Variants in SNX27 observed in about 807,000 individuals in gnomAD.
The protein encoded by SNX27 is sorting nexin 27.
SNX27 carries 22 observed loss-of-function variants against 71.6 expected under a neutral mutation model. That is an observed-to-expected ratio of 0.31 (90% CI 0.22 to 0.44). SNX27 has a LOEUF of 0.44. Ranked by LOEUF, SNX27 falls within the 20% of genes least tolerant of loss-of-function variation. The pLI is 1.00. For synonymous variants in SNX27, 269 were observed against 277.2 expected, an observed-to-expected ratio of 0.97 and a Z score of 0.29; for missense variants, 531 against 698.6, an observed-to-expected ratio of 0.76 and a Z score of 2.70.
chr1:151,632,698 A>T lies in SNX27; in HGVS notation c.312-6190A>T, dbSNP rs1049583565. ...TTATTTAAGCAGTTTTATGCTGCAG[A>T]TATGTACAGATTCATCTACTAGATA... On this transcript the variant is annotated intron_variant, in intron 1 of 11. Coordinates refer to ENST00000458013, the MANE Select transcript of SNX27 (RefSeq NM_001330723.2). 2.0e-5 allele frequency among the ~76,000 whole-genome samples: 3 copies of T among 152,242 alleles called. No individual in the cohort carries two copies. The South Asian group carries it at 6.2e-4, about 32-fold the overall frequency.
Position 151,681,235 on chromosome 1 carries a change from C to CTTTTTTTTTTTT in SNX27, c.1150-2108_1150-2097dup, listed in dbSNP as rs762924986. ...CTAGAAGTTGAATTAGTCTCTCAATCTTTTTTTTTTTTTTTTTTTTTTTTG... is the reference window on the plus strand; with the variant it reads ...CTAGAAGTTGAATTAGTCTCTCAATCTTTTTTTTTTTTTTTTTTTTTTTTTTTTTTTTTTTTG... On this transcript the variant is annotated intron_variant, in intron 7 of 11. Transcript: ENST00000458013. 9.7e-4 allele frequency among the ~76,000 whole-genome samples: 59 copies of CTTTTTTTTTTTT among 60,702 alleles called. 9 individuals carry two copies. The highest frequency in any genetic ancestry group is 1.1e-3 in the African/African-American group (18 of 15,718). The allele number at this position is 60,702 out of a possible 152,430, so 39.8% of individuals were successfully genotyped here. A position where few individuals can be genotyped will look rare whatever the true frequency, so the allele number is the denominator to read the frequency against.
intron 8 of SNX27, among the ~76,000 whole-genome samples, chr1:151,689,725 A>G (rs1671350105): frequency 6.6e-6 from 1 of 152,222 alleles, no homozygotes; most frequent in South Asian, 2.1e-4. Context: ...CTGGAGCAGA[A>G]TTGCTGCTTA....
At chr1:151,684,276 T>G (rs555883317) in intron 8 of SNX27, among the ~76,000 whole-genome samples, 12 of 152,346 alleles carry the variant, frequency 7.9e-5, no homozygotes, top group Admixed American at 2.0e-4. Flanking sequence ...TAAATTCATT[T>G]AAATTAAATG....
At chr1:151,646,612 CATAT>C in intron 2 of SNX27, among the ~76,000 whole-genome samples, 1 of 147,646 alleles carries the variant, frequency 6.8e-6, no homozygotes, top group East Asian at 2.0e-4. Flanking sequence ...ATATATAGTA[CATAT>C]ATATTATATA....
At chr1:151,626,447 T>C (rs1667946464) in intron 1 of SNX27, among the ~76,000 whole-genome samples, 1 of 152,142 alleles carries the variant, frequency 6.6e-6, no homozygotes, top group South Asian at 2.1e-4. Context: ...TTTATGATAA[T>C]GGTTTTAAAA....
At chr1:151,640,906 G>GT (rs1026226094) in intron 2 of SNX27, among the ~76,000 whole-genome samples, 10 of 152,076 alleles carry the variant, frequency 6.6e-5, no homozygotes, top group African/African-American at 2.4e-4. Context: ...TCAGCTTACT[G>GT]TCACCATATT....
At chr1:151,692,651 C>T (rs901977684) in intron 9 of SNX27, 67 bp downstream of exon 9, 34 of 1,563,278 alleles carry the variant, frequency 2.2e-5, no homozygotes, top group African/African-American at 1.2e-4. Context: ...TTGCTTGTGA[C>T]GTTTTAATTC....
chr1:151,668,724 C>G, intron 7 of SNX27, 89 bp downstream of exon 7: 1 of 1,228,200 alleles, frequency 8.1e-7, no homozygotes, highest in African/African-American at 1.5e-5. Flanking sequence ...AATCCTTAGA[C>G]AGGCTGCTTT....
intron 1 of SNX27, among the ~76,000 whole-genome samples, chr1:151,632,086 C>T (rs567362863): frequency 2.6e-5 from 4 of 151,796 alleles, no homozygotes; most frequent in Non-Finnish European, 5.9e-5. Context: ...AACTTTTGTC[C>T]CTTACATTAT....
intron 1 of SNX27, among the ~76,000 whole-genome samples, chr1:151,630,618 G>A (rs1668181856): frequency 6.6e-6 from 1 of 152,184 alleles, no homozygotes; most frequent in Non-Finnish European, 1.5e-5. Flanking sequence ...TGGAAATTTT[G>A]TTTAAATCTG....
intron 2 of SNX27, among the ~76,000 whole-genome samples, chr1:151,653,934 GT>G (rs199680913): frequency 0.012 from 1,825 of 149,886 alleles, 27 homozygotes; most frequent in African/African-American, 0.042. Flanking sequence ...CTGGGTTCAA[GT>G]GATTCTCCTG....
chr1:151,670,355 A>C (rs1193886835), intron 7 of SNX27, among the ~76,000 whole-genome samples: 1 of 152,224 alleles, frequency 6.6e-6, no homozygotes, highest in South Asian at 2.1e-4. Context: ...TGCAGCAAAC[A>C]TGGGAATGTG....
At position 151,612,486 on chromosome 1, in the gene SNX27, G is replaced by A. The variant is rs981708024; in HGVS notation, c.285G>A (p.Val95=). Reference sequence around the variant, plus strand: ...GGGGGGCGGCCGATCGGGCCGGGGTGCGCAAGGGGGACCGCATCCTGGAGG... The same window carrying A: ...GGGGGGCGGCCGATCGGGCCGGGGTACGCAAGGGGGACCGCATCCTGGAGG... ...LPGGAADRAG[V]RKGDRILEVN... Residue 95 remains valine (V), a synonymous_variant, in exon 1 of 12, where the codon GTG becomes GTA. Coordinates refer to ENST00000458013, the MANE Select transcript of SNX27 (RefSeq NM_001330723.2). The surrounding 1 kb of genome is among the most constrained non-coding windows in gnomAD (Gnocchi z 5.2). 3 of 1,402,376 alleles carry A rather than the reference G, an allele frequency of 2.1e-6. No individual in the cohort carries two copies. Among genetic ancestry groups the A allele is most frequent in the Admixed American group, 3.5e-5 (1 of 28,660 alleles). 86.9% of individuals were successfully genotyped at this position (1,402,376 alleles called of 1,614,324 possible).
intron 1 of SNX27, among the ~76,000 whole-genome samples, chr1:151,630,076 A>G (rs1260462675): frequency 6.6e-6 from 1 of 150,578 alleles, no homozygotes; most frequent in Admixed American, 6.7e-5. Flanking sequence ...GCACCACTGC[A>G]CTCCAGCCTG....
At chr1:151,690,593 G>C (rs1006665197) in intron 8 of SNX27, among the ~76,000 whole-genome samples, 1 of 151,732 alleles carries the variant, frequency 6.6e-6, no homozygotes, top group African/African-American at 2.4e-5. Context: ...TAGGACTACA[G>C]GTGCCCGGCA....
chr1:151,696,498 T>TTTCGTTGTTTCGTTCTTTCG lies in SNX27; in HGVS notation c.*2084_*2085insGTTGTTTCGTTCTTTCGTTC, dbSNP rs56343549. ...CTTTCTTTCTTTCTTTCTTTCTTTC[T>TTTCGTTGTTTCGTTCTTTCG]TTCTTTCGTTCTTTCGTTCTTTCGT... On this transcript the variant is annotated 3_prime_UTR_variant, in exon 12 of 12. Transcript: ENST00000458013. The TTTCGTTGTTTCGTTCTTTCG allele has an allele frequency of 9.4e-6, 1 of 106,500 alleles. No individual in the cohort carries two copies. The highest frequency in any genetic ancestry group is 2.1e-5 in the Non-Finnish European group (1 of 48,194). The allele number at this position is 106,500 out of a possible 1,614,324, so 6.6% of individuals were successfully genotyped here.
intron 7 of SNX27, among the ~76,000 whole-genome samples, chr1:151,682,543 G>C (rs143776648): frequency 6.6e-6 from 1 of 151,896 alleles, no homozygotes; most frequent in African/African-American, 2.4e-5. Context: ...GGCTGGTCTC[G>C]AACTCCTGAC....
At position 151,616,678 on chromosome 1, in the gene SNX27, A is replaced by G. The variant is rs116531103; in HGVS notation, c.311+4166A>G. Among the ~76,000 whole-genome samples, 812 of 152,330 alleles carry G rather than the reference A, an allele frequency of 5.3e-3. 6 individuals are homozygous for G. Among genetic ancestry groups the G allele is most frequent in the African/African-American group, 0.018 (769 of 41,572 alleles). On this transcript the variant is annotated intron_variant, in intron 1 of 11. Coordinates refer to ENST00000458013, the MANE Select transcript of SNX27 (RefSeq NM_001330723.2). Reference sequence around the variant, plus strand: ...TACCGTCTCAAAAGCCGCTTTCTCAATTGCAACTGAATTCTATTTGACTGA... The same window carrying G: ...TACCGTCTCAAAAGCCGCTTTCTCAGTTGCAACTGAATTCTATTTGACTGA...
In SNX27 at chr1:151,656,333, A is replaced by G. The variant is rs540588567; in HGVS notation, c.544-1902A>G. ...ATAAAGAACTCCATAAATCAAATCA[A>G]TAAGAAAAGCCAAAAAACTTAATAT... On this transcript the variant is annotated intron_variant, in intron 2 of 11. Coordinates refer to ENST00000458013, the MANE Select transcript of SNX27 (RefSeq NM_001330723.2). Among the ~76,000 whole-genome samples, 10 of 152,344 alleles carry G rather than the reference A, an allele frequency of 6.6e-5. No homozygotes were observed. The South Asian group carries it at 1.9e-3, about 28-fold the overall frequency.
Sources: allele counts gnomAD v4.1 joint callset (sites outside exome capture counted in the v4.1 genomes callset), GRCh38; gene constraint gnomAD v4.1.1; non-coding constraint Gnocchi (gnomAD v3.1); transcripts MANE v1.5; gene names NCBI Gene and HGNC (gene_info 2026-07-23, HGNC 2026-07-21).